SVIL: variants seen among roughly 807,000 people sequenced by gnomAD.
SVIL encodes the protein archvillin.
In SVIL, 101 loss-of-function variants were observed where a neutral mutation model predicts 240.4. The observed-to-expected ratio is 0.42, with a 90% CI of 0.36 to 0.50. SVIL has a LOEUF of 0.50. SVIL is among the 20% of genes least tolerant of loss of function. The pLI is 0.01. For missense variants in SVIL, 2,512 were observed against 2,818.7 expected (o/e 0.89, Z 2.46); for synonymous variants, 999 against 1,100.0 (o/e 0.91, Z 1.82).
chr10:29,668,828 A>C (rs73596072), intron 2 of SVIL, among the ~76,000 whole-genome samples: 7,516 of 152,186 alleles, frequency 0.049, 611 homozygotes, highest in African/African-American at 0.17. Context: ...GAGCAGAAAG[A>C]TTTTTTCAAA....
At chr10:29,665,351 C>T (rs930324367) in intron 2 of SVIL, among the ~76,000 whole-genome samples, 1 of 151,736 alleles carries the variant, frequency 6.6e-6, no homozygotes, top group Non-Finnish European at 1.5e-5. Flanking sequence ...GAATCCCATA[C>T]AGTTGCAATC....
chr10:29,652,868 C>T (rs186749037), intron 3 of SVIL, among the ~76,000 whole-genome samples: 2 of 152,206 alleles, frequency 1.3e-5, no homozygotes, highest in African/African-American at 4.8e-5. Flanking sequence ...CAATCCTTTG[C>T]CCTTTTTTAA....
chr10:29,640,458 C>G (rs1958448613), intron 3 of SVIL, among the ~76,000 whole-genome samples: 1 of 152,196 alleles, frequency 6.6e-6, no homozygotes, highest in Non-Finnish European at 1.5e-5. Flanking sequence ...ATCATCCTAC[C>G]TTCTCCCAGA....
chr10:29,643,844 G>A (rs1958568773), intron 3 of SVIL: 20 of 354,820 alleles, frequency 5.6e-5, no homozygotes, highest in South Asian at 3.6e-4. Context: ...TCAGAGCAAT[G>A]GGTGTGTAGC....
rs1459934242 is a variant in SVIL, at chr10:29,652,766, T to TA, written c.-201+5202dup. ...TATGAAGTGTTTTTTATTGTGGTTA[T>TA]AATTTGCATTTCCCTAATGGCTAAT... On this transcript the variant is annotated intron_variant, in intron 3 of 35. Coordinates refer to the SVIL transcript ENST00000375400. Among the ~76,000 whole-genome samples the TA allele has an allele frequency of 2.0e-5, 3 of 152,260 alleles. No individual in the cohort carries two copies. The East Asian group carries it at 5.8e-4, about 29-fold the overall frequency.
intron 33 of SVIL, among the ~76,000 whole-genome samples, chr10:29,466,273 A>G (rs1944911653): frequency 6.6e-6 from 1 of 152,020 alleles, no homozygotes; most frequent in East Asian, 1.9e-4. Flanking sequence ...ATTGTATTTT[A>G]TATACATTAT....
rs991742530 is a variant in SVIL, at chr10:29,531,240, A to G, written c.2044+14T>C. 1 of 1,613,270 alleles carries G rather than the reference A, an allele frequency of 6.2e-7. No individual in the cohort carries two copies. Among genetic ancestry groups the G allele is most frequent in the African/African-American group, 1.3e-5 (1 of 74,890 alleles). On this transcript the variant is annotated intron_variant, in intron 10 of 37. Transcript: ENST00000355867. ...AGATAATAAAGAAGAAAAAAAAGGG[A>G]AACAGGTACTTGCCATCGACAGTTG...
intron 2 of SVIL, among the ~76,000 whole-genome samples, chr10:29,672,178 C>T (rs546740418): frequency 2.6e-5 from 4 of 152,302 alleles, no homozygotes; most frequent in South Asian, 4.1e-4. Context: ...AAATTTTATT[C>T]GAACACAGCC....
At chr10:29,559,347 A>C (rs1217270264) in intron 3 of SVIL, among the ~76,000 whole-genome samples, 2 of 151,922 alleles carry the variant, frequency 1.3e-5, no homozygotes, top group Non-Finnish European at 2.9e-5. Context: ...GTCTATGTAC[A>C]TACATACACA....
At chr10:29,716,361 T>A (rs1167465825) in intron 1 of SVIL, among the ~76,000 whole-genome samples, 1 of 152,170 alleles carries the variant, frequency 6.6e-6, no homozygotes, top group Non-Finnish European at 1.5e-5. Context: ...GTAGCAGTCC[T>A]AACACAGAGA....
chr10:29,589,316 T>G (rs2132795564), intron 1 of SVIL, among the ~76,000 whole-genome samples: 1 of 152,122 alleles, frequency 6.6e-6, no homozygotes, highest in South Asian at 2.1e-4. Flanking sequence ...CTCCTCTAAC[T>G]TAGGCAAAGG....
chr10:29,542,534 T>C (rs568380764), intron 6 of SVIL, among the ~76,000 whole-genome samples: 1 of 152,310 alleles, frequency 6.6e-6, no homozygotes, highest in Middle Eastern at 3.4e-3. Context: ...TTTTTAAATT[T>C]TTAATTTCTG....
intron 1 of SVIL, among the ~76,000 whole-genome samples, chr10:29,591,067 G>A (rs1192435156): frequency 6.6e-6 from 1 of 152,186 alleles, no homozygotes; most frequent in African/African-American, 2.4e-5. Flanking sequence ...CGGTTCTGGG[G>A]CTGTGGATAC....
At chr10:29,519,351 T>C (rs1244891369) in intron 16 of SVIL, among the ~76,000 whole-genome samples, 2 of 152,146 alleles carry the variant, frequency 1.3e-5, no homozygotes, top group Non-Finnish European at 2.9e-5. Flanking sequence ...TACGTGGCCC[T>C]GGAGGCTACC....
intron 2 of SVIL, among the ~76,000 whole-genome samples, chr10:29,675,414 G>A (rs1334020779): frequency 2.0e-5 from 3 of 152,176 alleles, no homozygotes; most frequent in Non-Finnish European, 4.4e-5. Flanking sequence ...TGAGGCTGGA[G>A]GATCATTTGA....
intron 1 of SVIL, among the ~76,000 whole-genome samples, chr10:29,703,477 G>A (rs1220853497): frequency 6.6e-6 from 1 of 152,240 alleles, no homozygotes; most frequent in Non-Finnish European, 1.5e-5. Flanking sequence ...TTCATGGCAA[G>A]TGAAGCAGAG....
At chr10:29,681,444 C>CGTGTGT (rs1960645248) in intron 2 of SVIL, among the ~76,000 whole-genome samples, 7 of 103,012 alleles carry the variant, frequency 6.8e-5, no homozygotes, top group African/African-American at 1.5e-4. Flanking sequence ...TGTGTGTGTA[C>CGTGTGT]GTGTGTTGAG....
chr10:29,700,017 GT>G (rs913837003), intron 1 of SVIL, among the ~76,000 whole-genome samples: 3 of 152,180 alleles, frequency 2.0e-5, no homozygotes, highest in African/African-American at 4.8e-5. Flanking sequence ...GACAGAATTG[GT>G]TTTTTTCTTC....
chr10:29,680,905 T>G (rs1960589281), intron 2 of SVIL, among the ~76,000 whole-genome samples: 1 of 146,568 alleles, frequency 6.8e-6, no homozygotes. Context: ...GGCGACAGAG[T>G]GAGACTCCAT....
Sources: gnomAD v4.1 joint callset for allele counts (sites outside exome capture counted in the v4.1 genomes callset) on GRCh38, gnomAD v4.1.1 for gene constraint, MANE v1.5 for transcripts, NCBI Gene and HGNC (gene_info 2026-07-23, HGNC 2026-07-21) for gene names.